The following KDM2B variants were observed in gnomAD, a reference collection of about 807,000 sequenced individuals.
The protein encoded by KDM2B is lysine demethylase 2B.
In KDM2B, 26 loss-of-function variants were observed where a neutral mutation model predicts 150.0. That is an observed-to-expected ratio of 0.17 (90% CI 0.13 to 0.24). The LOEUF is 0.24. Ranked by LOEUF, KDM2B falls within the 10% of genes least tolerant of loss-of-function variation. KDM2B has a pLI of 1.00. For synonymous variants in KDM2B, 734 were observed against 729.5 expected (o/e 1.01, Z -0.10); for missense variants, 1,265 against 1,816.9 (o/e 0.70, Z 5.52).
chr12:121,415,173 G>C, the KDM2B span: 2 of 200,626 alleles, frequency 1.0e-5, no homozygotes, highest in South Asian at 7.0e-5. Flanking sequence ...AATCTATTCT[G>C]GTTTGTCTAC....
chr12:121,451,845 G>A (rs897704525), intron 13 of KDM2B, among the ~76,000 whole-genome samples: 11 of 152,098 alleles, frequency 7.2e-5, no homozygotes, highest in African/African-American at 2.7e-4. Flanking sequence ...CCAGGAGGCA[G>A]GGGTTGTTGT....
intron 6 of KDM2B, among the ~76,000 whole-genome samples, chr12:121,539,326 CAAAAAAAAAAA>C (rs60048517): frequency 0.026 from 1,499 of 58,730 alleles, 32 homozygotes; most frequent in African/African-American, 0.092. Context: ...GACCCTCTCC[CAAAAAAAAAAA>C]AAAAAAAAAA....
At chr12:121,559,711 A>G (rs782274993) in intron 4 of KDM2B, among the ~76,000 whole-genome samples, 4 of 151,866 alleles carry the variant, frequency 2.6e-5, no homozygotes, top group Middle Eastern at 3.4e-3. Context: ...GACCAGCCTG[A>G]CCAACATGGA....
chr12:121,531,304 G>C (rs2141469364), intron 8 of KDM2B, among the ~76,000 whole-genome samples: 1 of 152,300 alleles, frequency 6.6e-6, no homozygotes, highest in Middle Eastern at 3.4e-3. Flanking sequence ...CTCCCTAATA[G>C]GGAAGTCTCC....
chr12:121,457,993 G>A (rs1487138845), intron 12 of KDM2B, among the ~76,000 whole-genome samples: 1 of 152,046 alleles, frequency 6.6e-6, no homozygotes, highest in African/African-American at 2.4e-5. Flanking sequence ...TAAATTAAAG[G>A]AAAGACATCC....
intron 11 of KDM2B, among the ~76,000 whole-genome samples, chr12:121,502,272 C>A (rs906009092): frequency 6.6e-6 from 1 of 152,176 alleles, no homozygotes. Flanking sequence ...TCCTCAAGAG[C>A]ATTCGGCTGG....
intron 8 of KDM2B, among the ~76,000 whole-genome samples, chr12:121,530,364 C>T (rs1443820790): frequency 6.6e-5 from 10 of 151,976 alleles, no homozygotes; most frequent in African/African-American, 2.4e-4. Context: ...ACATTTTATA[C>T]TTGTAACTTT....
chr12:121,476,082 G>T (rs1433721304), intron 12 of KDM2B, among the ~76,000 whole-genome samples: 1 of 151,176 alleles, frequency 6.6e-6, no homozygotes, highest in East Asian at 2.0e-4. Context: ...ATCACCTGAG[G>T]TCAGGAGTTC....
chr12:121,412,454 A>C, the KDM2B span, among the ~76,000 whole-genome samples: 1 of 151,714 alleles, frequency 6.6e-6, no homozygotes, highest in Admixed American at 6.6e-5. Flanking sequence ...CGTGTCAGCC[A>C]GGATGGTCTT....
intron 12 of KDM2B, among the ~76,000 whole-genome samples, chr12:121,482,231 T>C (rs1882234748): frequency 1.3e-5 from 2 of 152,198 alleles, no homozygotes; most frequent in South Asian, 4.1e-4. Flanking sequence ...GCTGAAAAAT[T>C]CCAGGTGATG....
Position 121,481,763 on chromosome 12 carries a change from TTTTG to T in KDM2B, c.1734+12812_1734+12815del, listed in dbSNP as rs59507585. Among the ~76,000 whole-genome samples the T allele has an allele frequency of 6.7e-3, 1,001 of 148,804 alleles. 4 individuals carry two copies. Among genetic ancestry groups the T allele is most frequent in the South Asian group, 0.017 (77 of 4,640 alleles). On this transcript the variant is annotated intron_variant, in intron 12 of 22. Coordinates refer to ENST00000377071, the MANE Select transcript of KDM2B (RefSeq NM_032590.5). ...TTTCAAGAACTTATCTTAGGGTTTTTTTTGTTTGTTTGTTTGTTTGTTTGTTTGT... is the reference window on the plus strand; with the variant it reads ...TTTCAAGAACTTATCTTAGGGTTTTTTTTGTTTGTTTGTTTGTTTGTTTGT...
chr12:121,535,091 C>CAG (rs1301241933), intron 6 of KDM2B, among the ~76,000 whole-genome samples: 1 of 152,004 alleles, frequency 6.6e-6, no homozygotes, highest in Non-Finnish European at 1.5e-5. Flanking sequence ...TTCATTCAAC[C>CAG]AGAGGTCCAG....
At chr12:121,570,479 A>AGT (rs1891016634) in intron 4 of KDM2B, among the ~76,000 whole-genome samples, 1 of 152,016 alleles carries the variant, frequency 6.6e-6, no homozygotes, top group South Asian at 2.1e-4. Flanking sequence ...GAGCCACCGC[A>AGT]CCCAGCCTGC....
chr12:121,561,125 G>C (rs2136247899), intron 4 of KDM2B, among the ~76,000 whole-genome samples: 1 of 151,796 alleles, frequency 6.6e-6, no homozygotes, highest in South Asian at 2.1e-4. Context: ...GCGGAAATTA[G>C]TCCATGGCCC....
At chr12:121,569,874 C>G (rs1890968687) in intron 4 of KDM2B, among the ~76,000 whole-genome samples, 1 of 150,266 alleles carries the variant, frequency 6.7e-6, no homozygotes, top group Admixed American at 6.6e-5. Context: ...GGATCTCGCT[C>G]TGTTGCCCTG....
intron 12 of KDM2B, among the ~76,000 whole-genome samples, chr12:121,458,687 G>C (rs1555293300): frequency 6.6e-6 from 1 of 152,144 alleles, no homozygotes; most frequent in African/African-American, 2.4e-5. Flanking sequence ...TGTAATCCCA[G>C]CTACTTGGGA....
the KDM2B span, chr12:121,423,468 A>C: frequency 6.2e-7 from 1 of 1,613,642 alleles, no homozygotes. The surrounding 1 kb of genome is among the most constrained non-coding windows in gnomAD (Gnocchi z 4.3). Flanking sequence ...ACTGTGTCCT[A>C]CTGGAGTGTG....
At chr12:121,579,946 A>G (rs1891825629) in intron 1 of KDM2B, 2 of 1,267,056 alleles carry the variant, frequency 1.6e-6, no homozygotes, top group Admixed American at 5.2e-5. Context: ...AAACAACCAA[A>G]AAAAAAAAAA....
At chr12:121,440,575 T>A (rs570705205) in intron 21 of KDM2B, 2 of 511,880 alleles carry the variant, frequency 3.9e-6, no homozygotes, top group South Asian at 5.3e-5. Context: ...CAGAGCCCCA[T>A]GAGCGAGTCA....
Sources: allele counts gnomAD v4.1 joint callset (sites outside exome capture counted in the v4.1 genomes callset), GRCh38; gene constraint gnomAD v4.1.1; non-coding constraint Gnocchi (gnomAD v3.1); transcripts MANE v1.5; gene names NCBI Gene and HGNC (gene_info 2026-07-23, HGNC 2026-07-21).